Variants in PDGFB observed in about 807,000 individuals in gnomAD.
The protein encoded by PDGFB is platelet derived growth factor subunit B.
PDGFB carries 6 observed loss-of-function variants against 29.0 expected under a neutral mutation model. That is an observed-to-expected ratio of 0.21 (90% CI 0.11 to 0.41). PDGFB has a LOEUF of 0.41. Among genes scored for constraint, PDGFB ranks in the 10% least tolerant of loss-of-function variants. PDGFB has a pLI of 1.00. For missense variants in PDGFB, 299 were observed against 341.8 expected, an observed-to-expected ratio of 0.87 and a Z score of 0.99; for synonymous variants, 144 against 140.8, an observed-to-expected ratio of 1.02 and a Z score of -0.16.
rs528105215 is a variant in PDGFB, at chr22:39,242,863, G to C, written c.63+1038C>G. The C allele has an allele frequency of 8.6e-6, 2 of 232,384 alleles. No individual in the cohort carries two copies. The highest frequency in any genetic ancestry group is 1.1e-4 in the Admixed American group (2 of 17,746). 14.4% of individuals were successfully genotyped at this position (232,384 alleles called of 1,614,324 possible). On this transcript the variant is annotated intron_variant, in intron 1 of 6. Transcript: ENST00000331163. The surrounding 1 kb of genome is among the most constrained non-coding windows in gnomAD (Gnocchi z 5.7). Reference sequence around the variant, plus strand: ...GTGGGACGGTACCCAGTCACGCCGCGCTCCCGGCTGCCCTCTCCTCCCCTC... The same window carrying C: ...GTGGGACGGTACCCAGTCACGCCGCCCTCCCGGCTGCCCTCTCCTCCCCTC...
chr22:39,239,411 AG>A lies in PDGFB; in HGVS notation c.64-3538del, dbSNP rs552450436. ...GCCCTTCCGGGGCTGGGGGTGGGTGAGGGTGGGGGGACACTCAGCACGTGCT... is the reference window on the plus strand; with the variant it reads ...GCCCTTCCGGGGCTGGGGGTGGGTGAGGTGGGGGGACACTCAGCACGTGCT... On this transcript the variant is annotated intron_variant, in intron 1 of 6. Coordinates refer to ENST00000331163, the MANE Select transcript of PDGFB (RefSeq NM_002608.4). Among the ~76,000 whole-genome samples the A allele has an allele frequency of 7.1e-3, 1,021 of 142,900 alleles. 13 individuals carry two copies. Among genetic ancestry groups the A allele is most frequent in the African/African-American group, 0.025 (981 of 39,852 alleles). The allele number at this position is 142,900 out of a possible 152,430, so 93.7% of individuals were successfully genotyped here.
rs1371371443 is a variant in PDGFB, at chr22:39,244,219, C to G, written c.-256G>C. 7.8e-6 allele frequency: 2 copies of G among 256,130 alleles called. No individual in the cohort carries two copies. The highest frequency in any genetic ancestry group is 1.5e-5 in the Non-Finnish European group (2 of 134,638). 15.9% of individuals were successfully genotyped at this position (256,130 alleles called of 1,614,324 possible). A position where few individuals can be genotyped will look rare whatever the true frequency, so the allele number is the denominator to read the frequency against. On this transcript the variant is annotated 5_prime_UTR_variant, in exon 1 of 7. Coordinates refer to ENST00000331163, the MANE Select transcript of PDGFB (RefSeq NM_002608.4). The surrounding 1 kb of genome is among the most constrained non-coding windows in gnomAD (Gnocchi z 4.5). ...CCGAGGCCGCTACCTGGGCGGATCC[C>G]GAGCCCGAGTGAGCATCCACGGCCG... is the stretch of plus-strand genomic sequence containing the variant.
rs188157277 is a variant in PDGFB at position 39,232,999 on chromosome 22, G to A, written c.250+436C>T. 1.7e-3 allele frequency among the ~76,000 whole-genome samples: 259 copies of A among 152,296 alleles called. 1 individual carries two copies. The highest frequency in any genetic ancestry group is 2.8e-3 in the Non-Finnish European group (189 of 68,028). ...TGCTCGAGGTCTACCAGCCTAGGCC[G>A]CGGCCCTTTGCCACAGGAGATACCC... On this transcript the variant is annotated intron_variant, in intron 3 of 6. Coordinates refer to ENST00000331163, the MANE Select transcript of PDGFB (RefSeq NM_002608.4).
Position 39,230,256 on chromosome 22 carries a change from T to C in PDGFB, c.457-28A>G, listed in dbSNP as rs1326394928. 6.2e-6 allele frequency: 10 copies of C among 1,612,150 alleles called. No homozygotes were observed. The Admixed American group carries it at 1.7e-4, about 27-fold the overall frequency. ...GGAGGACAGAGCCACAAAATGCCTCTGTAGAGACCACACAGCCAGGAGCCC... is the reference window on the plus strand; with the variant it reads ...GGAGGACAGAGCCACAAAATGCCTCCGTAGAGACCACACAGCCAGGAGCCC... On this transcript the variant is annotated intron_variant, in intron 4 of 6. Coordinates refer to ENST00000331163, the MANE Select transcript of PDGFB (RefSeq NM_002608.4).
In PDGFB at chr22:39,243,975, G is replaced by A; in HGVS notation, c.-12C>T. ...CAGCAGCGATTCATGCCGACTCCGG[G>A]CCCGGCCCCGCGGGGCCCCGGACGC... is the stretch of plus-strand genomic sequence containing the variant. On this transcript the variant is annotated 5_prime_UTR_variant, in exon 1 of 7. Transcript: ENST00000331163. The surrounding 1 kb of genome is among the most constrained non-coding windows in gnomAD (Gnocchi z 6.4). The A allele has an allele frequency of 2.9e-6, 4 of 1,390,446 alleles. No individual in the cohort carries two copies. Among genetic ancestry groups the A allele is most frequent in the Non-Finnish European group, 1.9e-6 (2 of 1,044,108 alleles). 86.1% of individuals were successfully genotyped at this position (1,390,446 alleles called of 1,614,324 possible).
At chr22:39,230,921 C>G (rs4821876) in intron 4 of PDGFB, among the ~76,000 whole-genome samples, 54,388 of 152,202 alleles carry the variant, frequency 0.36, 10,516 homozygotes, top group Middle Eastern at 0.49. Context: ...GAAGCAGAAG[C>G]AGCAGCTTCT....
chr22:39,234,192 C>G (rs1384834355), intron 2 of PDGFB, among the ~76,000 whole-genome samples: 1 of 152,194 alleles, frequency 6.6e-6, no homozygotes, highest in Non-Finnish European at 1.5e-5. Context: ...TCTCCCTCCC[C>G]TTCTCTAAAC....
chr22:39,240,721 T>C, intron 1 of PDGFB: 1 of 1,028,106 alleles, frequency 9.7e-7, no homozygotes. Flanking sequence ...GGAGGAAAGC[T>C]CTCTAATGGG....
chr22:39,234,736 A>G (rs1420725204), intron 2 of PDGFB, among the ~76,000 whole-genome samples: 1 of 152,236 alleles, frequency 6.6e-6, no homozygotes, highest in East Asian at 1.9e-4. Context: ...GTTGATTAGG[A>G]AAAAATAGCC....
At chr22:39,226,643 G>A (rs765712573) in intron 5 of PDGFB, among the ~76,000 whole-genome samples, 2 of 152,194 alleles carry the variant, frequency 1.3e-5, no homozygotes, top group Non-Finnish European at 1.5e-5. Flanking sequence ...CAGCTGCTAC[G>A]ACTCACTTTT....
chr22:39,235,685 C>CGTCAA, intron 2 of PDGFB, 93 bp downstream of exon 2: 1 of 875,176 alleles, frequency 1.1e-6, no homozygotes, highest in South Asian at 1.5e-5. Context: ...GTTCTCCAGA[C>CGTCAA]GTCAAGAAGG....
At chr22:39,241,074 G>A (rs955836364) in intron 1 of PDGFB, 4 of 636,356 alleles carry the variant, frequency 6.3e-6, no homozygotes, top group African/African-American at 3.6e-5. Context: ...AGCAAAGCCA[G>A]AGGAAGCTGG....
In PDGFB at chr22:39,243,717, G is replaced by C. The variant is rs898063992; in HGVS notation, c.63+184C>G. On this transcript the variant is annotated intron_variant, in intron 1 of 6. Transcript: ENST00000331163. This position sits in a 1 kb window ranked among gnomAD's most constrained non-coding sequence, Gnocchi z 6.4. ...GGTTGGAAAGAAAGCCACCGCTGTT[G>C]CCTTCCCTTAGAGCCTGTCACCCCC... Among the ~76,000 whole-genome samples, 1 of 152,178 alleles carries C rather than the reference G, an allele frequency of 6.6e-6. No homozygotes were observed. The highest frequency in any genetic ancestry group is 2.4e-5 in the African/African-American group (1 of 41,450).
At chr22:39,233,597 G>C (rs953905974) in intron 2 of PDGFB, 73 bp from the exon 3 acceptor site, 2 of 1,080,436 alleles carry the variant, frequency 1.9e-6, no homozygotes, top group Non-Finnish European at 1.3e-6. Context: ...GGGGTGTCTG[G>C]GCAGGCGGGA....
intron 5 of PDGFB, among the ~76,000 whole-genome samples, chr22:39,228,893 A>AAAAAAAAT (rs1184799325): frequency 1.5e-5 from 2 of 132,512 alleles, no homozygotes; most frequent in South Asian, 4.9e-4. Context: ...CCTCAAAAAA[A>AAAAAAAAT]ATATATATAT....
At chr22:39,240,046 G>C (rs1932531360) in intron 1 of PDGFB, among the ~76,000 whole-genome samples, 1 of 152,206 alleles carries the variant, frequency 6.6e-6, no homozygotes, top group African/African-American at 2.4e-5. Flanking sequence ...CTTTGAAGAA[G>C]CCCTCTCGGG....
intron 5 of PDGFB, 110 bp downstream of exon 5, chr22:39,229,974 T>G: frequency 7.9e-7 from 1 of 1,268,704 alleles, no homozygotes; most frequent in Non-Finnish European, 1.1e-6. Context: ...AAGCCTCCCG[T>G]GAATTTAACC....
In PDGFB at chr22:39,225,718, T is replaced by C. The variant is rs981301208; in HGVS notation, c.*5A>G. On this transcript the variant is annotated 3_prime_UTR_variant, in exon 6 of 7. Coordinates refer to ENST00000331163, the MANE Select transcript of PDGFB (RefSeq NM_002608.4). ...ACCTGCCCACACACTCTCCTGCCGATGCCCCTAGGCTCCAAGGGTCTCCTT... is the reference window on the plus strand; with the variant it reads ...ACCTGCCCACACACTCTCCTGCCGACGCCCCTAGGCTCCAAGGGTCTCCTT... The C allele has an allele frequency of 6.2e-6, 10 of 1,613,024 alleles. No homozygotes were observed. Among genetic ancestry groups the C allele is most frequent in the Middle Eastern group, 1.6e-4 (1 of 6,072 alleles).
intron 1 of PDGFB, among the ~76,000 whole-genome samples, chr22:39,236,595 T>C (rs1472737825): frequency 6.6e-6 from 1 of 152,010 alleles, no homozygotes; most frequent in African/African-American, 2.4e-5. Flanking sequence ...CTGATAACAC[T>C]TCAACAGGCC....
Sources: allele counts gnomAD v4.1 joint callset (sites outside exome capture counted in the v4.1 genomes callset), GRCh38; gene constraint gnomAD v4.1.1; non-coding constraint Gnocchi (gnomAD v3.1); transcripts MANE v1.5; gene names NCBI Gene and HGNC (gene_info 2026-07-23, HGNC 2026-07-21).